The following ADGRB3 variants were observed in gnomAD, a reference collection of about 807,000 sequenced individuals.
ADGRB3 encodes brain-specific angiogenesis inhibitor 3.
ADGRB3 carries 37 observed loss-of-function variants against 193.4 expected under a neutral mutation model. The ratio of observed to expected loss-of-function variants is 0.19; its 90% CI spans 0.15 to 0.25. The LOEUF (loss-of-function observed/expected upper bound fraction) is 0.25, where lower values mean the gene tolerates loss of function less well. Ranked by LOEUF, ADGRB3 falls within the 10% of genes least tolerant of loss-of-function variation. The pLI, the probability that ADGRB3 is intolerant of heterozygous loss-of-function variation, is 1.00. For synonymous variants in ADGRB3, 690 were observed against 644.2 expected (o/e 1.07, Z -1.08); for missense variants, 1,637 against 1,852.9 (o/e 0.88, Z 2.14).
At position 69,188,939 on chromosome 6, in the gene ADGRB3, C is replaced by T. The variant is rs369350276; in HGVS notation, c.2481-44351C>T. Among the ~76,000 whole-genome samples the T allele has an allele frequency of 1.3e-3, 195 of 151,874 alleles. 2 individuals carry two copies. The South Asian group carries it at 0.031, about 24-fold the overall frequency. On this transcript the variant is annotated intron_variant, in intron 17 of 31. Coordinates refer to ENST00000370598, the MANE Select transcript of ADGRB3 (RefSeq NM_001704.3). ...TATCTGCAGTAAAATAAAGTATCTG[C>T]GTAAAATAAAATAAAAATAATATCA...
chr6:69,134,458 T>C (rs1315254916), intron 17 of ADGRB3, among the ~76,000 whole-genome samples: 1 of 152,130 alleles, frequency 6.6e-6, no homozygotes, highest in Non-Finnish European at 1.5e-5. Flanking sequence ...ATATTTGGGA[T>C]TGGGAACCAT....
intron 3 of ADGRB3, among the ~76,000 whole-genome samples, chr6:68,778,908 C>A (rs1243510491): frequency 6.6e-6 from 1 of 151,758 alleles, no homozygotes; most frequent in African/African-American, 2.4e-5. Flanking sequence ...AAATGGGAAC[C>A]CTGTTTCTGG....
chr6:69,116,164 C>G (rs994922980), intron 17 of ADGRB3, among the ~76,000 whole-genome samples: 2 of 152,140 alleles, frequency 1.3e-5, no homozygotes, highest in African/African-American at 4.8e-5. Flanking sequence ...GTTCTTAAGG[C>G]CTTCAACTGG....
intron 20 of ADGRB3, among the ~76,000 whole-genome samples, chr6:69,262,837 T>C (rs1447650196): frequency 6.6e-6 from 1 of 151,916 alleles, no homozygotes; most frequent in Non-Finnish European, 1.5e-5. Context: ...AAAAAAAATA[T>C]TATAGATAGG....
intron 17 of ADGRB3, among the ~76,000 whole-genome samples, chr6:69,138,656 G>T (rs1774222385): frequency 6.6e-6 from 1 of 152,056 alleles, no homozygotes; most frequent in African/African-American, 2.4e-5. Context: ...TTTATTGGAG[G>T]TGCTATTTTT....
chr6:68,793,600 C>A (rs1767150309), intron 3 of ADGRB3, among the ~76,000 whole-genome samples: 1 of 152,166 alleles, frequency 6.6e-6, no homozygotes, highest in Non-Finnish European at 1.5e-5. Context: ...ACGATCTCAG[C>A]TCACTGCAAC....
At chr6:69,264,494 G>A (rs1479327786) in intron 20 of ADGRB3, among the ~76,000 whole-genome samples, 1 of 151,116 alleles carries the variant, frequency 6.6e-6, no homozygotes, top group African/African-American at 2.4e-5. Flanking sequence ...CCACTAGACA[G>A]GCATGTCTTT....
intron 29 of ADGRB3, among the ~76,000 whole-genome samples, chr6:69,370,320 A>G (rs1269326422): frequency 1.3e-5 from 2 of 152,198 alleles, no homozygotes. Context: ...AACTTTACAC[A>G]CATTTTTAAC....
chr6:69,139,463 T>C (rs1289563462), intron 17 of ADGRB3, among the ~76,000 whole-genome samples: 1 of 152,222 alleles, frequency 6.6e-6, no homozygotes, highest in Non-Finnish European at 1.5e-5. Context: ...AAGACATGTA[T>C]CTGTTGGGTA....
intron 3 of ADGRB3, among the ~76,000 whole-genome samples, chr6:68,659,662 C>T (rs1412371065): frequency 1.3e-5 from 2 of 150,766 alleles, no homozygotes; most frequent in South Asian, 4.1e-4. Flanking sequence ...TTAAATTACT[C>T]CAGAATTCTT....
chr6:68,862,351 A>G (rs902289002), intron 3 of ADGRB3, among the ~76,000 whole-genome samples: 3 of 152,182 alleles, frequency 2.0e-5, no homozygotes, highest in East Asian at 1.9e-4. Flanking sequence ...GGTATCTGCA[A>G]TCTATCTGAC....
intron 3 of ADGRB3, among the ~76,000 whole-genome samples, chr6:68,645,886 C>A (rs1380931063): frequency 1.3e-5 from 2 of 151,806 alleles, no homozygotes; most frequent in African/African-American, 4.8e-5. Context: ...GTTAGCCAGG[C>A]TGGTCTCAAA....
chr6:69,069,971 A>G (rs1180953197), intron 16 of ADGRB3, among the ~76,000 whole-genome samples: 2 of 152,124 alleles, frequency 1.3e-5, no homozygotes, highest in African/African-American at 2.4e-5. Flanking sequence ...AGGAAATTAA[A>G]GAGAGACAAT....
chr6:69,164,406 A>T (rs1258668050), intron 17 of ADGRB3, among the ~76,000 whole-genome samples: 1 of 152,140 alleles, frequency 6.6e-6, no homozygotes, highest in African/African-American at 2.4e-5. Context: ...TAATTTAATG[A>T]CTAAAAACAT....
At chr6:68,874,920 G>C (rs1381317388) in intron 3 of ADGRB3, among the ~76,000 whole-genome samples, 2 of 152,078 alleles carry the variant, frequency 1.3e-5, no homozygotes, top group African/African-American at 4.8e-5. Context: ...CTAGTAGTAG[G>C]GCAAATGCTC....
At chr6:68,737,728 G>C (rs1379174008) in intron 3 of ADGRB3, among the ~76,000 whole-genome samples, 4 of 152,050 alleles carry the variant, frequency 2.6e-5, no homozygotes, top group Non-Finnish European at 4.4e-5. Flanking sequence ...TTACAAATCA[G>C]CTCAGCTTCC....
chr6:68,858,508 A>AC (rs1173338276), intron 3 of ADGRB3, among the ~76,000 whole-genome samples: 1 of 148,294 alleles, frequency 6.7e-6, no homozygotes, highest in African/African-American at 2.4e-5. Context: ...CAAAAAAAAA[A>AC]AAAAAACACC....
chr6:69,120,303 G>T (rs970261159), intron 17 of ADGRB3, among the ~76,000 whole-genome samples: 2 of 152,148 alleles, frequency 1.3e-5, no homozygotes, highest in African/African-American at 4.8e-5. Context: ...GCATACTTTG[G>T]GTCCCATTCT....
At chr6:69,188,144 G>A (rs12528123) in intron 17 of ADGRB3, among the ~76,000 whole-genome samples, 13,839 of 152,128 alleles carry the variant, frequency 0.091, 689 homozygotes, top group Middle Eastern at 0.25. Context: ...AATGGAATGA[G>A]GCCCAGATTC....
Sources: gnomAD v4.1 joint callset for allele counts (sites outside exome capture counted in the v4.1 genomes callset) on GRCh38, gnomAD v4.1.1 for gene constraint, MANE v1.5 for transcripts, NCBI Gene and HGNC (gene_info 2026-07-23, HGNC 2026-07-21) for gene names.